Variants in HSPA4L observed in about 807,000 individuals in gnomAD.
HSPA4L encodes the protein heat shock protein family A (Hsp70) member 4 like.
In HSPA4L, 48 loss-of-function variants were observed where a neutral mutation model predicts 100.3. The observed-to-expected ratio is 0.48, with a 90% CI of 0.38 to 0.61. The LOEUF (loss-of-function observed/expected upper bound fraction) is 0.61. Among genes scored for constraint, HSPA4L ranks in the 20% least tolerant of loss-of-function variants. The pLI is 0.00. For synonymous variants in HSPA4L, 319 were observed against 328.2 expected (o/e 0.97, Z 0.30); for missense variants, 886 against 988.6 (o/e 0.90, Z 1.39).
chr4:127,832,974 C>G lies in HSPA4L; in HGVS notation c.*100C>G, dbSNP rs1462114243. 3.7e-6 allele frequency: 3 copies of G among 815,694 alleles called. No individual in the cohort carries two copies. Among genetic ancestry groups the G allele is most frequent in the Admixed American group, 6.2e-5 (2 of 32,130 alleles). The allele number at this position is 815,694 out of a possible 1,614,324, so 50.5% of individuals were successfully genotyped here. ...CAACAGACGCTCAGTTGTTCTTAAC[C>G]ACTTTTGTCATTTGTTTTTTGGAGT... On this transcript the variant is annotated 3_prime_UTR_variant, in exon 19 of 19. Transcript: ENST00000296464.
In HSPA4L at chr4:127,838,358, A is replaced by G. The variant is rs560012468; in HGVS notation, c.*5484A>G. On this transcript the variant is annotated 3_prime_UTR_variant, in exon 19 of 19. Coordinates refer to ENST00000296464, the MANE Select transcript of HSPA4L (RefSeq NM_014278.4). ...TTATCCCTAAAGATACTTCCAACATATTGTTAGAGTAAGTATTAAAAGAAA... is the reference window on the plus strand; with the variant it reads ...TTATCCCTAAAGATACTTCCAACATGTTGTTAGAGTAAGTATTAAAAGAAA... 1 of 152,344 alleles carries G rather than the reference A, an allele frequency of 6.6e-6. No homozygotes were observed. Among genetic ancestry groups the G allele is most frequent in the East Asian group, 1.9e-4 (1 of 5,190 alleles). The allele number at this position is 152,344 out of a possible 1,614,324, so 9.4% of individuals were successfully genotyped here.
chr4:127,802,908 A>T (rs568794145), intron 6 of HSPA4L, among the ~76,000 whole-genome samples: 1 of 152,234 alleles, frequency 6.6e-6, no homozygotes, highest in African/African-American at 2.4e-5. Context: ...ATAATGAAAG[A>T]GCTGCAAAAC....
Position 127,834,181 on chromosome 4 carries a change from T to G in HSPA4L, c.*1307T>G, listed in dbSNP as rs1361706049. On this transcript the variant is annotated 3_prime_UTR_variant, in exon 19 of 19. Coordinates refer to ENST00000296464, the MANE Select transcript of HSPA4L (RefSeq NM_014278.4). ...TAAGTATGGGAACAGACTGAAATGG[T>G]GTTTCAACCTGCAAGAGACAGAAGC... 2 of 152,170 alleles carry G rather than the reference T, an allele frequency of 1.3e-5. No individual in the cohort carries two copies. The highest frequency in any genetic ancestry group is 2.4e-5 in the African/African-American group (1 of 41,452). The allele number at this position is 152,170 out of a possible 1,614,324, so 9.4% of individuals were successfully genotyped here. A position where few individuals can be genotyped will look rare whatever the true frequency, so the allele number is the denominator to read the frequency against.
At chr4:127,821,181 T>C (rs963166800) in intron 14 of HSPA4L, among the ~76,000 whole-genome samples, 1 of 152,136 alleles carries the variant, frequency 6.6e-6, no homozygotes, top group Non-Finnish European at 1.5e-5. Context: ...GCTTTTGTAG[T>C]ACCTACCTAT....
chr4:127,821,190 A>G (rs184779943), intron 14 of HSPA4L, among the ~76,000 whole-genome samples: 2 of 152,242 alleles, frequency 1.3e-5, no homozygotes, highest in Admixed American at 1.3e-4. Flanking sequence ...GTACCTACCT[A>G]TATCATCTAT....
chr4:127,817,801 T>C (rs1250676455), intron 12 of HSPA4L, among the ~76,000 whole-genome samples: 1 of 152,180 alleles, frequency 6.6e-6, no homozygotes, highest in Admixed American at 6.5e-5. Flanking sequence ...TTTTATTTTC[T>C]TGTGTTATTT....
intron 16 of HSPA4L, among the ~76,000 whole-genome samples, chr4:127,825,682 A>G (rs4456965): frequency 0.03 from 4,625 of 152,198 alleles, 303 homozygotes; most frequent in East Asian, 0.26. Context: ...CCAGTGGCCC[A>G]AAGTGGCAGA....
intron 11 of HSPA4L, among the ~76,000 whole-genome samples, chr4:127,810,645 G>A (rs992430352): frequency 2.0e-5 from 3 of 152,014 alleles, no homozygotes; most frequent in Admixed American, 1.3e-4. Context: ...TGTAGTCCCC[G>A]CTACTTGAAC....
upstream of HSPA4L, chr4:127,782,310 C>A (rs1023125152): frequency 2.2e-5 from 11 of 499,050 alleles, no homozygotes; most frequent in Admixed American, 2.1e-4. Flanking sequence ...CGGTTGGAGG[C>A]GGCCGAACCG....
chr4:127,824,279 T>C (rs1733889072), intron 16 of HSPA4L, among the ~76,000 whole-genome samples: 1 of 152,202 alleles, frequency 6.6e-6, no homozygotes. Flanking sequence ...ATTTTGGCTA[T>C]TGTGAATAAT....
Position 127,789,647 on chromosome 4 carries a change from C to CAA in HSPA4L, c.108-4420_108-4419dup, listed in dbSNP as rs56249580. 1.3e-3 allele frequency among the ~76,000 whole-genome samples: 196 copies of CAA among 145,902 alleles called. 1 individual carries two copies. The highest frequency in any genetic ancestry group is 3.2e-3 in the African/African-American group (128 of 39,402). Reference sequence around the variant, plus strand: ...TGGGCGACAGAGCGAGATTCTGTCTCAAAAAAAAAAAGAAAACCCTCCCTT... The same window carrying CAA: ...TGGGCGACAGAGCGAGATTCTGTCTCAAAAAAAAAAAAAGAAAACCCTCCCTT... On this transcript the variant is annotated intron_variant, in intron 1 of 18. Transcript: ENST00000296464.
rs745986591 is a variant in HSPA4L, at chr4:127,782,506, G to C, written c.-45G>C. 1.3e-6 allele frequency: 2 copies of C among 1,507,904 alleles called. No individual in the cohort carries two copies. The highest frequency in any genetic ancestry group is 1.4e-5 in the African/African-American group (1 of 72,780). 93.4% of individuals were successfully genotyped at this position (1,507,904 alleles called of 1,614,324 possible). On this transcript the variant is annotated 5_prime_UTR_variant, in exon 1 of 19. Transcript: ENST00000296464. Reference sequence around the variant, plus strand: ...TAGCCCAGAAGAGGACACGGTTCCCGTACCGAAGGGTTCAGTACCAGCAGC... The same window carrying C: ...TAGCCCAGAAGAGGACACGGTTCCCCTACCGAAGGGTTCAGTACCAGCAGC...
chr4:127,783,508 G>GA, intron 1 of HSPA4L: 1 of 1,478,082 alleles, frequency 6.8e-7, no homozygotes, highest in Non-Finnish European at 8.9e-7. Flanking sequence ...TTATGTCATG[G>GA]AAACATGTTT....
intron 1 of HSPA4L, among the ~76,000 whole-genome samples, chr4:127,787,941 T>C (rs967629238): frequency 1.3e-5 from 2 of 152,184 alleles, no homozygotes; most frequent in Non-Finnish European, 2.9e-5. Context: ...AAACTTTATT[T>C]ACAAAAATAG....
chr4:127,811,682 A>G (rs770030269), intron 12 of HSPA4L, 46 bp downstream of exon 12: 4 of 1,364,204 alleles, frequency 2.9e-6, no homozygotes, highest in South Asian at 2.5e-5. Flanking sequence ...GATAGTGTAT[A>G]CAGTATATCT....
At chr4:127,783,913 C>T (rs562266502) in intron 1 of HSPA4L, among the ~76,000 whole-genome samples, 1 of 152,242 alleles carries the variant, frequency 6.6e-6, no homozygotes, top group Non-Finnish European at 1.5e-5. Context: ...TAGATGTACA[C>T]GTTTCTTCTA....
intron 11 of HSPA4L, among the ~76,000 whole-genome samples, chr4:127,811,157 G>T (rs947453081): frequency 3.4e-5 from 5 of 146,650 alleles, no homozygotes; most frequent in Admixed American, 2.8e-4. Context: ...GAATCAAATT[G>T]TCCATGGTTA....
rs748556176 is a variant in HSPA4L, at chr4:127,820,544, C to T, written c.1791C>T (p.Leu597=). 1.2e-6 allele frequency: 2 copies of T among 1,600,934 alleles called. No homozygotes were observed. The highest frequency in any genetic ancestry group is 4.5e-5 in the East Asian group (2 of 44,216). ...SLCRQLGQDL[L]NSYIENEGKM... ...GTAGACAACTAGGCCAAGATCTTCTCAACAGCTACATTGAAAATGAGGTAT... is the reference window on the plus strand; with the variant it reads ...GTAGACAACTAGGCCAAGATCTTCTTAACAGCTACATTGAAAATGAGGTAT... The change falls in exon 14 of 19, where the codon CTC becomes CTT. Residue 597 remains leucine, a synonymous_variant. Transcript: ENST00000296464.
chr4:127,839,434 A>G lies in HSPA4L; in HGVS notation c.*6560A>G, dbSNP rs1366016747. 1 of 152,196 alleles carries G rather than the reference A, an allele frequency of 6.6e-6. No individual in the cohort carries two copies. Among genetic ancestry groups the G allele is most frequent in the African/African-American group, 2.4e-5 (1 of 41,422 alleles). The allele number at this position is 152,196 out of a possible 1,614,324, so 9.4% of individuals were successfully genotyped here. Reference sequence around the variant, plus strand: ...AAACCCCGTCTCTACTAAAAATACAAAAAATTAGCTGGGTGTGGTGGTGTG... The same window carrying G: ...AAACCCCGTCTCTACTAAAAATACAGAAAATTAGCTGGGTGTGGTGGTGTG... On this transcript the variant is annotated 3_prime_UTR_variant, in exon 19 of 19. Coordinates refer to ENST00000296464, the MANE Select transcript of HSPA4L (RefSeq NM_014278.4).
Sources: gnomAD v4.1 joint callset for allele counts (sites outside exome capture counted in the v4.1 genomes callset) on GRCh38, gnomAD v4.1.1 for gene constraint, MANE v1.5 for transcripts, NCBI Gene and HGNC (gene_info 2026-07-23, HGNC 2026-07-21) for gene names.